Variants in FSIP1 observed in about 807,000 individuals in gnomAD.
The protein encoded by FSIP1 is fibrous sheath-interacting protein 1.
Under a neutral mutation model 60.9 loss-of-function variants are expected in FSIP1, and 65 were observed. The ratio of observed to expected loss-of-function variants is 1.07; its 90% CI spans 0.87 to 1.31. The LOEUF (loss-of-function observed/expected upper bound fraction) is 1.31. Among genes scored for constraint, FSIP1 ranks in the 40% most tolerant of loss-of-function variants. The pLI is 0.00. For missense variants in FSIP1, 675 were observed against 665.5 expected (o/e 1.01, Z -0.16); for synonymous variants, 209 against 221.2 (o/e 0.94, Z 0.49).
At chr15:39,700,588 A>G (rs1258410954) in intron 10 of FSIP1, among the ~76,000 whole-genome samples, 2 of 152,208 alleles carry the variant, frequency 1.3e-5, no homozygotes, top group Non-Finnish European at 2.9e-5. Flanking sequence ...TAATCAGCCC[A>G]TTGCTTTCCA....
chr15:39,690,308 G>C (rs1211544555), intron 10 of FSIP1, among the ~76,000 whole-genome samples: 1 of 152,172 alleles, frequency 6.6e-6, no homozygotes, highest in Non-Finnish European at 1.5e-5. Flanking sequence ...CATTCTTGCA[G>C]CAGTGTGGAA....
At chr15:39,621,652 G>A (rs1225475218) in intron 10 of FSIP1, among the ~76,000 whole-genome samples, 1 of 152,342 alleles carries the variant, frequency 6.6e-6, no homozygotes, top group Admixed American at 6.5e-5. Flanking sequence ...ACTTTAGAGT[G>A]TAGCCTGGGT....
chr15:39,664,318 T>C (rs1893413129), intron 10 of FSIP1, among the ~76,000 whole-genome samples: 1 of 152,180 alleles, frequency 6.6e-6, no homozygotes, highest in Admixed American at 6.5e-5. Flanking sequence ...AGAAATCTGC[T>C]AAAATTTTGG....
intron 10 of FSIP1, among the ~76,000 whole-genome samples, chr15:39,687,230 G>A (rs149546474): frequency 7.5e-6 from 1 of 133,146 alleles, no homozygotes; most frequent in East Asian, 2.4e-4. Context: ...TCTTGGCTCA[G>A]TGCAACCTCT....
intron 10 of FSIP1, among the ~76,000 whole-genome samples, chr15:39,641,943 A>T (rs1892387393): frequency 6.6e-6 from 1 of 152,186 alleles, no homozygotes; most frequent in South Asian, 2.1e-4. Context: ...GTCCTTGATT[A>T]TAGTGTATTA....
chr15:39,765,241 C>CTTTTTTT (rs71132116), intron 4 of FSIP1, among the ~76,000 whole-genome samples: 1 of 115,174 alleles, frequency 8.7e-6, no homozygotes, highest in African/African-American at 3.3e-5. Flanking sequence ...GAAATTCTTT[C>CTTTTTTT]TTTTTTTTTT....
At chr15:39,692,804 T>C (rs1267081689) in intron 10 of FSIP1, among the ~76,000 whole-genome samples, 3 of 152,034 alleles carry the variant, frequency 2.0e-5, no homozygotes. Flanking sequence ...GATCTTTGTG[T>C]TTGCACAGCA....
chr15:39,608,682 T>C (rs1327534145), intron 11 of FSIP1, among the ~76,000 whole-genome samples: 1 of 152,236 alleles, frequency 6.6e-6, no homozygotes, highest in East Asian at 1.9e-4. Context: ...GTAAGTGAAC[T>C]CTGCTGCTAA....
At chr15:39,666,708 TTCAGAG>T (rs1893509579) in intron 10 of FSIP1, among the ~76,000 whole-genome samples, 1 of 152,200 alleles carries the variant, frequency 6.6e-6, no homozygotes, top group African/African-American at 2.4e-5. Flanking sequence ...AGCACTGAAC[TTCAGAG>T]TCAATCAAGT....
intron 10 of FSIP1, among the ~76,000 whole-genome samples, chr15:39,667,035 A>G (rs572903197): frequency 4.6e-5 from 7 of 152,310 alleles, no homozygotes; most frequent in African/African-American, 1.4e-4. Flanking sequence ...ATCACAAGAC[A>G]GTGGGCGCTG....
chr15:39,641,274 A>T (rs2411315), intron 10 of FSIP1, among the ~76,000 whole-genome samples: 1 of 151,992 alleles, frequency 6.6e-6, no homozygotes, highest in African/African-American at 2.4e-5. Context: ...AGGAAAGCAA[A>T]AATTGTTCTC....
chr15:39,703,998 A>G (rs1895165401), intron 10 of FSIP1, among the ~76,000 whole-genome samples: 1 of 152,250 alleles, frequency 6.6e-6, no homozygotes, highest in South Asian at 2.1e-4. Context: ...TAAATGATGT[A>G]GAAATATATA....
chr15:39,674,110 AG>A (rs1222779977), intron 10 of FSIP1, among the ~76,000 whole-genome samples: 2 of 150,184 alleles, frequency 1.3e-5, no homozygotes, highest in African/African-American at 2.5e-5. Context: ...GCTGGAGTGC[AG>A]TGGCGCGATC....
chr15:39,673,821 GAAT>G (rs975956142), intron 10 of FSIP1, among the ~76,000 whole-genome samples: 4 of 151,620 alleles, frequency 2.6e-5, no homozygotes, highest in African/African-American at 9.7e-5. Flanking sequence ...CTGCTATCAT[GAAT>G]AATAATAATT....
At chr15:39,605,810 C>T (rs1335984532) in intron 11 of FSIP1, among the ~76,000 whole-genome samples, 1 of 152,238 alleles carries the variant, frequency 6.6e-6, no homozygotes, top group Non-Finnish European at 1.5e-5. Context: ...CAGAGCTAAT[C>T]ATTTTATTTG....
At chr15:39,754,280 GC>G (rs1331285965) in intron 5 of FSIP1, among the ~76,000 whole-genome samples, 2 of 151,960 alleles carry the variant, frequency 1.3e-5, no homozygotes, top group African/African-American at 4.8e-5. Context: ...AATGACTGTA[GC>G]CCCGGCAACC....
intron 5 of FSIP1, among the ~76,000 whole-genome samples, chr15:39,754,209 T>A (rs971055785): frequency 6.6e-6 from 1 of 151,974 alleles, no homozygotes; most frequent in African/African-American, 2.4e-5. Context: ...GAAACTGAGG[T>A]CTGCAAACAA....
chr15:39,744,101 G>C (rs1896900344), intron 5 of FSIP1, among the ~76,000 whole-genome samples: 1 of 152,144 alleles, frequency 6.6e-6, no homozygotes, highest in African/African-American at 2.4e-5. Flanking sequence ...GTGTGTATAT[G>C]TGTGTCCTTG....
intron 5 of FSIP1, among the ~76,000 whole-genome samples, chr15:39,751,454 C>CACACACACACAG (rs1897160723): frequency 7.3e-6 from 1 of 136,680 alleles, no homozygotes; most frequent in South Asian, 2.4e-4. Context: ...CACACACACA[C>CACACACACACAG]AGGAATATTA....
Sources: gnomAD v4.1 joint callset for allele counts (sites outside exome capture counted in the v4.1 genomes callset) on GRCh38, gnomAD v4.1.1 for gene constraint, MANE v1.5 for transcripts, NCBI Gene and HGNC (gene_info 2026-07-23, HGNC 2026-07-21) for gene names.